The following LMBRD2 variants were observed in gnomAD, a reference collection of about 807,000 sequenced individuals.
LMBRD2 encodes the protein LMBR1 domain containing 2, also known as G protein-coupled receptor-associated protein LMBRD2.
LMBRD2 carries 55 observed loss-of-function variants against 94.4 expected under a neutral mutation model. The ratio of observed to expected loss-of-function variants is 0.58; its 90% CI spans 0.47 to 0.73. The LOEUF (loss-of-function observed/expected upper bound fraction) is 0.73. Ranked by LOEUF, LMBRD2 falls within the 30% of genes least tolerant of loss-of-function variation. The pLI, the probability that LMBRD2 is intolerant of heterozygous loss-of-function variation, is 0.00. For missense variants in LMBRD2, 640 were observed against 831.9 expected (o/e 0.77, Z 2.84); for synonymous variants, 246 against 272.4 (o/e 0.90, Z 0.95).
In LMBRD2 at chr5:36,104,069, T is replaced by C. The variant is rs143174072; in HGVS notation, c.2065A>G (p.Ser689Gly). The change falls in exon 18 of 18, where the codon AGT (serine) becomes GGT (glycine). Residue 689 changes from serine to glycine, a missense_variant. Physicochemically the swap from Ser to Gly is moderately conservative, Grantham distance 56. This residue lies in a region of LMBRD2 where 183 missense variants were observed against 189.1 expected (regional missense o/e 0.97). Transcript: ENST00000296603. ...PGGRYLSMSR[S>G]DIFNDV ...CTTTAAACATCATTAAATATGTCAC[T>C]GCGAGACATCGAGAGATATCGTCCA... 8 of 1,610,484 alleles carry C rather than the reference T, an allele frequency of 5.0e-6. No homozygotes were observed. The highest frequency in any genetic ancestry group is 1.7e-5 in the Admixed American group (1 of 59,750).
chr5:36,124,200 T>A lies in LMBRD2; in HGVS notation c.813A>T (p.Ile271=). 6.4e-7 allele frequency: 1 copy of A among 1,558,104 alleles called. No individual in the cohort carries two copies. The highest frequency in any genetic ancestry group is 8.8e-7 in the Non-Finnish European group (1 of 1,131,086). ...AAGATGATTTCATTACCTTTTTAAG[T>A]ATTGTATCAACACATTTTCTCAATG... ...NHPLRKCVDT[I]LKKCPTEYQE... The change falls in exon 7 of 18, where the codon ATA becomes ATT. Residue 271 remains isoleucine (I), a synonymous_variant. Coordinates refer to ENST00000296603, the MANE Select transcript of LMBRD2 (RefSeq NM_001007527.2).
Position 36,108,523 on chromosome 5 carries a change from A to G in LMBRD2, c.1897+11T>C, listed in dbSNP as rs1320319576. The G allele has an allele frequency of 7.0e-7, 1 of 1,418,878 alleles. No homozygotes were observed. Among genetic ancestry groups the G allele is most frequent in the South Asian group, 1.3e-5 (1 of 77,698 alleles). 87.9% of individuals were successfully genotyped at this position (1,418,878 alleles called of 1,614,324 possible). A position where few individuals can be genotyped will look rare whatever the true frequency, so the allele number is the denominator to read the frequency against. ...ACAATTTCCAAGTGAACTAGAAGAT[A>G]AACTACTTACAACGGTTGGTATTAA... On this transcript the variant is annotated intron_variant, in intron 16 of 17. Coordinates refer to ENST00000296603, the MANE Select transcript of LMBRD2 (RefSeq NM_001007527.2).
At chr5:36,133,528 G>A (rs1744201789) in intron 6 of LMBRD2, among the ~76,000 whole-genome samples, 1 of 152,046 alleles carries the variant, frequency 6.6e-6, no homozygotes, top group Non-Finnish European at 1.5e-5. Context: ...AAAAATAAAT[G>A]CTTGAGGTGA....
At chr5:36,118,584 T>C (rs1451874535) in intron 9 of LMBRD2, among the ~76,000 whole-genome samples, 2 of 151,378 alleles carry the variant, frequency 1.3e-5, no homozygotes, top group African/African-American at 4.8e-5. Context: ...CAAATCAATA[T>C]GGCAAAATAT....
At chr5:36,107,483 C>G (rs1476942833) in intron 16 of LMBRD2, among the ~76,000 whole-genome samples, 1 of 152,192 alleles carries the variant, frequency 6.6e-6, no homozygotes, top group Non-Finnish European at 1.5e-5. Context: ...TAGTTTTATG[C>G]CCAGAATGGG....
chr5:36,115,143 T>G (rs369825037), intron 11 of LMBRD2, 23 bp from the exon 12 acceptor site: 1 of 1,450,544 alleles, frequency 6.9e-7, no homozygotes, highest in Admixed American at 1.8e-5. Flanking sequence ...TTTAAAAATA[T>G]GTATATAAAA....
chr5:36,110,901 G>A (rs1180708898), intron 14 of LMBRD2, among the ~76,000 whole-genome samples: 1 of 151,888 alleles, frequency 6.6e-6, no homozygotes, highest in Admixed American at 6.6e-5. Context: ...ACCATACAAG[G>A]GTGTTATCTC....
At chr5:36,147,408 T>C (rs970952826) in intron 1 of LMBRD2, among the ~76,000 whole-genome samples, 18 of 152,004 alleles carry the variant, frequency 1.2e-4, no homozygotes, top group African/African-American at 4.3e-4. Flanking sequence ...GGGAGGTAAA[T>C]AAAAATTCAG....
intron 4 of LMBRD2, among the ~76,000 whole-genome samples, chr5:36,138,972 C>A (rs1006481527): frequency 6.6e-6 from 1 of 152,098 alleles, no homozygotes; most frequent in Non-Finnish European, 1.5e-5. Flanking sequence ...GGGGGACTGG[C>A]GGGGACTGTG....
chr5:36,102,457 A>G lies in LMBRD2; in HGVS notation c.*1589T>C, dbSNP rs1041611207. On this transcript the variant is annotated 3_prime_UTR_variant, in exon 18 of 18. Transcript: ENST00000296603. ...TGCTTTCTGGCCACACTTCACATGA[A>G]AAGACTGTATGTGTGTGTTCTTAAG... The G allele has an allele frequency of 1.3e-5, 2 of 151,816 alleles. No individual in the cohort carries two copies. The highest frequency in any genetic ancestry group is 4.8e-5 in the African/African-American group (2 of 41,406). 9.4% of individuals were successfully genotyped at this position (151,816 alleles called of 1,614,324 possible).
intron 1 of LMBRD2, among the ~76,000 whole-genome samples, chr5:36,146,498 T>C (rs1240919480): frequency 6.6e-6 from 1 of 152,114 alleles, no homozygotes; most frequent in African/African-American, 2.4e-5. Flanking sequence ...AGCTTCCAGA[T>C]AGCTAGGACT....
Position 36,109,980 on chromosome 5 carries a change from T to G in LMBRD2, c.1756A>C (p.Arg586=). 1 of 1,602,590 alleles carries G rather than the reference T, an allele frequency of 6.2e-7. No individual in the cohort carries two copies. The highest frequency in any genetic ancestry group is 8.5e-7 in the Non-Finnish European group (1 of 1,170,954). ...KELIRKEKRK[R]QRQEEGENRR... is the part of the protein sequence containing the mutation. ...TTTTCACCTTCTTCTTGCCTTTGCCTTTTTCTCTTCTCTAAAGACAGAAAA... is the reference window on the plus strand; with the variant it reads ...TTTTCACCTTCTTCTTGCCTTTGCCGTTTTCTCTTCTCTAAAGACAGAAAA... The change falls in exon 15 of 18, where the codon AGG becomes CGG. Residue 586 remains arginine (R), a synonymous_variant. Transcript: ENST00000296603.
At chr5:36,110,761 TA>T (rs2111848733) in intron 14 of LMBRD2, among the ~76,000 whole-genome samples, 1 of 152,200 alleles carries the variant, frequency 6.6e-6, no homozygotes, top group South Asian at 2.1e-4. Context: ...GATCACGTTC[TA>T]AAAAAGTAGC....
chr5:36,108,730 C>A, intron 15 of LMBRD2, 91 bp from the exon 16 acceptor site: 1 of 496,028 alleles, frequency 2.0e-6, no homozygotes. Flanking sequence ...TTATTTTCAT[C>A]AGAGATTCAT....
At chr5:36,131,658 T>C (rs548277415) in intron 6 of LMBRD2, among the ~76,000 whole-genome samples, 2 of 151,986 alleles carry the variant, frequency 1.3e-5, no homozygotes, top group East Asian at 3.9e-4. Flanking sequence ...AAATCAACAT[T>C]CAAAAATCAG....
intron 6 of LMBRD2, among the ~76,000 whole-genome samples, chr5:36,133,083 A>G (rs1039996526): frequency 6.6e-6 from 1 of 152,126 alleles, no homozygotes; most frequent in South Asian, 2.1e-4. Flanking sequence ...CACTATATCA[A>G]AGAAATGTCT....
intron 16 of LMBRD2, among the ~76,000 whole-genome samples, chr5:36,108,255 C>T (rs1014969459): frequency 2.0e-5 from 3 of 152,098 alleles, no homozygotes; most frequent in African/African-American, 7.2e-5. Context: ...AAACACCTGC[C>T]TAGAACATAC....
Position 36,149,914 on chromosome 5 carries a change from T to C in LMBRD2, c.-58+1642A>G, listed in dbSNP as rs1344797792. Among the ~76,000 whole-genome samples the C allele has an allele frequency of 2.6e-5, 4 of 151,904 alleles. No individual in the cohort carries two copies. The East Asian group carries it at 5.8e-4, about 22-fold the overall frequency. On this transcript the variant is annotated intron_variant, in intron 1 of 17. Transcript: ENST00000296603. Reference sequence around the variant, plus strand: ...AAGAGTGAAATTTCTTCTCAAAAAATAAAAATAAAATTAATCAGAAAAAAT... The same window carrying C: ...AAGAGTGAAATTTCTTCTCAAAAAACAAAAATAAAATTAATCAGAAAAAAT...
chr5:36,098,486 G>A lies in LMBRD2; in HGVS notation c.*5560C>T, dbSNP rs781467564. On this transcript the variant is annotated 3_prime_UTR_variant, in exon 18 of 18. Transcript: ENST00000296603. ...AATAAATTGATAAGGAACAAAGAAC[G>A]CCTGAATCTACTTAAAAGAACCTTA... The A allele has an allele frequency of 6.6e-6, 1 of 151,830 alleles. No homozygotes were observed. Among genetic ancestry groups the A allele is most frequent in the Non-Finnish European group, 1.5e-5 (1 of 67,864 alleles). 9.4% of individuals were successfully genotyped at this position (151,830 alleles called of 1,614,324 possible). A position where few individuals can be genotyped will look rare whatever the true frequency, so the allele number is the denominator to read the frequency against.
Sources: allele counts gnomAD v4.1 joint callset (sites outside exome capture counted in the v4.1 genomes callset), GRCh38; gene constraint gnomAD v4.1.1; regional missense constraint gnomAD v4.1.1; transcripts MANE v1.5; gene names NCBI Gene and HGNC (gene_info 2026-07-23, HGNC 2026-07-21).